Variants in SH3GL3 observed in about 807,000 individuals in gnomAD.
The protein encoded by SH3GL3 is SH3 domain containing GRB2 like 3, endophilin A3, also known as endophilin-A3.
SH3GL3 carries 33 observed loss-of-function variants against 47.7 expected under a neutral mutation model. The ratio of observed to expected loss-of-function variants is 0.69; its 90% confidence interval spans 0.52 to 0.92. SH3GL3 has a LOEUF of 0.92. Among genes scored for constraint, SH3GL3 ranks in the 40% least tolerant of loss-of-function variants. The pLI is 0.00. For missense variants in SH3GL3, 363 were observed against 417.8 expected (o/e 0.87, Z 1.14); for synonymous variants, 155 against 148.8 (o/e 1.04, Z -0.30).
chr15:83,505,738 G>A (rs1046324412), intron 1 of SH3GL3, among the ~76,000 whole-genome samples: 1 of 152,064 alleles, frequency 6.6e-6, no homozygotes. Flanking sequence ...AAATGTTGGC[G>A]AGGCTGGTCA....
intron 1 of SH3GL3, among the ~76,000 whole-genome samples, chr15:83,482,419 T>C (rs1008886057): frequency 6.6e-6 from 1 of 152,130 alleles, no homozygotes; most frequent in African/African-American, 2.4e-5. Context: ...TTGTTATTAA[T>C]GTATACTGCC....
At chr15:83,571,844 G>A (rs1056460805) in intron 4 of SH3GL3, among the ~76,000 whole-genome samples, 15 of 152,146 alleles carry the variant, frequency 9.9e-5, no homozygotes, top group Admixed American at 9.8e-4. Context: ...AACCCTCATT[G>A]TACAGAGAAC....
intron 8 of SH3GL3, among the ~76,000 whole-genome samples, chr15:83,610,309 G>A (rs2060627370): frequency 6.6e-6 from 1 of 152,214 alleles, no homozygotes; most frequent in Non-Finnish European, 1.5e-5. Context: ...GGCCAAAGCA[G>A]GAGGATCACT....
At chr15:83,594,007 T>A (rs966436230) in intron 8 of SH3GL3, among the ~76,000 whole-genome samples, 1 of 152,080 alleles carries the variant, frequency 6.6e-6, no homozygotes, top group African/African-American at 2.4e-5. Context: ...TTCGTAGAGA[T>A]GAGGATTCAC....
chr15:83,493,418 C>T (rs79176514), intron 1 of SH3GL3, among the ~76,000 whole-genome samples: 2,821 of 152,292 alleles, frequency 0.019, 76 homozygotes, highest in African/African-American at 0.061. Context: ...CCTTTCTGGT[C>T]TCCCTCCTCT....
At chr15:83,487,182 G>T in intron 1 of SH3GL3, among the ~76,000 whole-genome samples, 1 of 148,962 alleles carries the variant, frequency 6.7e-6, no homozygotes, top group Non-Finnish European at 1.5e-5. Context: ...TAATCTTGAA[G>T]AATTTTTAAC....
chr15:83,524,668 C>T (rs1014127297), intron 1 of SH3GL3, among the ~76,000 whole-genome samples: 7 of 151,792 alleles, frequency 4.6e-5, no homozygotes, highest in Admixed American at 2.6e-4. Flanking sequence ...CCCCTCACCC[C>T]GCAACACACC....
At chr15:83,603,325 A>G (rs117006966) in intron 8 of SH3GL3, among the ~76,000 whole-genome samples, 1,571 of 152,306 alleles carry the variant, frequency 0.01, 84 homozygotes, top group Admixed American at 0.09. Flanking sequence ...TCTGATCTAT[A>G]TACCTCCAGG....
the SH3GL3 span, among the ~76,000 whole-genome samples, chr15:83,625,821 T>C: frequency 1.3e-5 from 2 of 152,102 alleles, no homozygotes; most frequent in African/African-American, 4.8e-5. Flanking sequence ...ATTTTTGTTG[T>C]TGTTGTTGTT....
At chr15:83,488,919 C>T (rs775287568) in intron 1 of SH3GL3, among the ~76,000 whole-genome samples, 3 of 152,184 alleles carry the variant, frequency 2.0e-5, no homozygotes, top group Admixed American at 6.5e-5. Context: ...ATCCAGGCAC[C>T]GTTGCTGATC....
chr15:83,598,751 G>A (rs1341151867), intron 8 of SH3GL3, among the ~76,000 whole-genome samples: 1 of 152,140 alleles, frequency 6.6e-6, no homozygotes, highest in Non-Finnish European at 1.5e-5. Flanking sequence ...TTGTGCTGGA[G>A]TATTTTTAAT....
chr15:83,513,999 G>C (rs2151635795), intron 1 of SH3GL3, among the ~76,000 whole-genome samples: 1 of 152,262 alleles, frequency 6.6e-6, no homozygotes. Flanking sequence ...TTTTTTCCAT[G>C]CTTTGTTCTT....
intron 1 of SH3GL3, among the ~76,000 whole-genome samples, chr15:83,494,432 C>A (rs1254392902): frequency 6.6e-6 from 1 of 152,154 alleles, no homozygotes; most frequent in Non-Finnish European, 1.5e-5. Flanking sequence ...TGTGCTGAAG[C>A]AAGTTCTTCT....
chr15:83,564,976 T>C (rs1332321948), intron 2 of SH3GL3, among the ~76,000 whole-genome samples, 158 bp from the exon 3 acceptor site: 2 of 152,140 alleles, frequency 1.3e-5, no homozygotes, highest in Admixed American at 6.5e-5. Flanking sequence ...AGTGAGAAAA[T>C]ATCACCTCTC....
At chr15:83,497,218 C>T (rs558835608) in intron 1 of SH3GL3, among the ~76,000 whole-genome samples, 15 of 152,264 alleles carry the variant, frequency 9.9e-5, no homozygotes, top group South Asian at 4.1e-4. Flanking sequence ...CTTGAAGACC[C>T]GTTACAGCCC....
chr15:83,463,595 C>T (rs1046364317), intron 1 of SH3GL3, among the ~76,000 whole-genome samples: 8 of 152,052 alleles, frequency 5.3e-5, no homozygotes, highest in African/African-American at 1.9e-4. Context: ...ATAATTTTCT[C>T]TGATGTCTTT....
intron 1 of SH3GL3, among the ~76,000 whole-genome samples, chr15:83,495,782 G>A (rs1442118251): frequency 6.6e-6 from 1 of 152,010 alleles, no homozygotes; most frequent in Non-Finnish European, 1.5e-5. Context: ...CCATGTTAAG[G>A]TTGTCTGTCT....
At chr15:83,571,744 T>G (rs778840006) in intron 4 of SH3GL3, among the ~76,000 whole-genome samples, 1 of 152,144 alleles carries the variant, frequency 6.6e-6, no homozygotes, top group Non-Finnish European at 1.5e-5. Context: ...TCTCCATCTT[T>G]TTACAAGATC....
In SH3GL3 at chr15:83,528,715, G is replaced by T. The variant is rs1421853603; in HGVS notation, c.46-30538G>T. ...ATTCACATTCTGAATTGTTTTTCTG[G>T]TATCTTTGTATTGTTTATCTGTGTG... On this transcript the variant is annotated intron_variant, in intron 1 of 8. Coordinates refer to ENST00000427482, the MANE Select transcript of SH3GL3 (RefSeq NM_003027.5). 2.0e-5 allele frequency among the ~76,000 whole-genome samples: 3 copies of T among 151,634 alleles called. No homozygotes were observed. The South Asian group carries it at 6.3e-4, about 32-fold the overall frequency.
Sources: gnomAD v4.1 joint callset for allele counts (sites outside exome capture counted in the v4.1 genomes callset) on GRCh38, gnomAD v4.1.1 for gene constraint, MANE v1.5 for transcripts, NCBI Gene and HGNC (gene_info 2026-07-23, HGNC 2026-07-21) for gene names.